Variants in TNS3 observed in about 807,000 individuals in gnomAD.
The protein encoded by TNS3 is tensin 3.
Under a neutral mutation model 140.9 loss-of-function variants are expected in TNS3, and 45 were observed. That is an observed-to-expected ratio of 0.32 (90% CI 0.25 to 0.41). The LOEUF is 0.41. Ranked by LOEUF, TNS3 falls within the 10% of genes least tolerant of loss-of-function variation. The pLI is 1.00. For missense variants in TNS3, 1,716 were observed against 1,906.7 expected, an observed-to-expected ratio of 0.90 and a Z score of 1.86; for synonymous variants, 815 against 788.4, an observed-to-expected ratio of 1.03 and a Z score of -0.56.
intron 9 of TNS3, among the ~76,000 whole-genome samples, chr7:47,426,749 C>CATCT (rs2151488063): frequency 6.6e-6 from 1 of 152,246 alleles, no homozygotes; most frequent in South Asian, 2.1e-4. Flanking sequence ...AGCCCTAAGA[C>CATCT]ATCTACCCTT....
chr7:47,579,933 G>A (rs758879568), intron 1 of TNS3: 6 of 704,752 alleles, frequency 8.5e-6, no homozygotes, highest in Non-Finnish European at 1.0e-5. Context: ...CCCCTCTCCT[G>A]CCCTTTATTT....
At chr7:47,546,556 C>T (rs1159328124) in intron 1 of TNS3, among the ~76,000 whole-genome samples, 3 of 152,026 alleles carry the variant, frequency 2.0e-5, no homozygotes, top group African/African-American at 4.8e-5. Flanking sequence ...CTAAAAGGTT[C>T]GATGTATTGC....
chr7:47,474,676 C>A (rs1584737529), intron 4 of TNS3, among the ~76,000 whole-genome samples: 1 of 143,074 alleles, frequency 7.0e-6, no homozygotes, highest in East Asian at 2.1e-4. Flanking sequence ...CTCACACACA[C>A]AAAACACCTC....
At chr7:47,462,784 G>A (rs1305334107) in intron 4 of TNS3, among the ~76,000 whole-genome samples, 1 of 152,102 alleles carries the variant, frequency 6.6e-6, no homozygotes, top group Admixed American at 6.6e-5. Flanking sequence ...CCACAGCCAA[G>A]ACTAGTTAGC....
At chr7:47,389,163 AAGCAGC>A (rs539487753) in intron 16 of TNS3, among the ~76,000 whole-genome samples, 3 of 10,044 alleles carry the variant, frequency 3.0e-4, no homozygotes, top group African/African-American at 3.7e-4. Flanking sequence ...GAAGCAGAAG[AAGCAGC>A]AGAAGCAGAA....
intron 4 of TNS3, among the ~76,000 whole-genome samples, chr7:47,480,725 C>A (rs1797382760): frequency 6.6e-6 from 1 of 152,230 alleles, no homozygotes; most frequent in Non-Finnish European, 1.5e-5. Context: ...CTGCACTACA[C>A]TGTCCACAGC....
intron 1 of TNS3, among the ~76,000 whole-genome samples, chr7:47,549,235 G>A (rs975302543): frequency 1.3e-5 from 2 of 152,134 alleles, no homozygotes; most frequent in Non-Finnish European, 2.9e-5. Flanking sequence ...GTTCACACCT[G>A]TAATCCCAGC....
chr7:47,516,372 C>T (rs779934727), intron 2 of TNS3, among the ~76,000 whole-genome samples: 7 of 152,174 alleles, frequency 4.6e-5, no homozygotes, highest in Non-Finnish European at 7.3e-5. Flanking sequence ...ACTGCCAGGA[C>T]CCCATCTCAA....
At chr7:47,284,454 G>A (rs978153137) in intron 27 of TNS3, among the ~76,000 whole-genome samples, 2 of 152,140 alleles carry the variant, frequency 1.3e-5, no homozygotes, top group African/African-American at 2.4e-5. Flanking sequence ...GAGAGCTGTG[G>A]GTCTTGTCCC....
chr7:47,321,476 G>A (rs541052778), intron 20 of TNS3, among the ~76,000 whole-genome samples: 49 of 152,246 alleles, frequency 3.2e-4, no homozygotes, highest in African/African-American at 1.1e-3. Context: ...ATGCCAGCAG[G>A]GTGTGTCGGC....
intron 1 of TNS3, among the ~76,000 whole-genome samples, chr7:47,558,138 C>A (rs2151994030): frequency 6.6e-6 from 1 of 152,294 alleles, no homozygotes; most frequent in Admixed American, 6.5e-5. Flanking sequence ...GACACTGCTT[C>A]CTGCAGGCAA....
At chr7:47,319,533 G>A (rs1160367565) in intron 20 of TNS3, among the ~76,000 whole-genome samples, 1 of 152,164 alleles carries the variant, frequency 6.6e-6, no homozygotes, top group Non-Finnish European at 1.5e-5. Context: ...CCTTCATGAA[G>A]TATCTGCCCC....
chr7:47,496,764 A>C (rs893379822), intron 3 of TNS3, among the ~76,000 whole-genome samples: 4 of 152,348 alleles, frequency 2.6e-5, no homozygotes, highest in African/African-American at 9.6e-5. Flanking sequence ...AAGACCAAGC[A>C]GGCAGGGACA....
At chr7:47,542,667 C>A (rs1000786210) in intron 1 of TNS3, among the ~76,000 whole-genome samples, 2 of 152,110 alleles carry the variant, frequency 1.3e-5, no homozygotes, top group African/African-American at 4.8e-5. Flanking sequence ...CACGGTGGCT[C>A]AACCTGTAAT....
intron 20 of TNS3, among the ~76,000 whole-genome samples, chr7:47,330,815 G>A (rs897009010): frequency 6.6e-6 from 1 of 151,992 alleles, no homozygotes; most frequent in African/African-American, 2.4e-5. Flanking sequence ...CTCCATAGGG[G>A]GCACGTCCTT....
chr7:47,339,760 T>G (rs980405075), intron 20 of TNS3, among the ~76,000 whole-genome samples: 3 of 152,158 alleles, frequency 2.0e-5, no homozygotes, highest in African/African-American at 7.2e-5. Context: ...GTGGTAAAAC[T>G]GTCTGTCAAT....
intron 4 of TNS3, among the ~76,000 whole-genome samples, chr7:47,479,699 A>G (rs1022585270): frequency 6.6e-6 from 1 of 152,246 alleles, no homozygotes; most frequent in Non-Finnish European, 1.5e-5. Flanking sequence ...CCTCAAATGC[A>G]TACTTTGCTC....
chr7:47,329,551 AG>A (rs1192212470), intron 20 of TNS3, among the ~76,000 whole-genome samples: 8 of 152,184 alleles, frequency 5.3e-5, no homozygotes, highest in Non-Finnish European at 1.0e-4. Context: ...CACATGGGCC[AG>A]GAAGATCCCT....
intron 21 of TNS3, among the ~76,000 whole-genome samples, 172 bp downstream of exon 21, chr7:47,304,660 C>T (rs2150724809): frequency 6.6e-6 from 1 of 152,264 alleles, no homozygotes; most frequent in East Asian, 1.9e-4. Flanking sequence ...CCGGCGGTAG[C>T]AGTGTCGTGC....
Sources: gnomAD v4.1 joint callset for allele counts (sites outside exome capture counted in the v4.1 genomes callset) on GRCh38, gnomAD v4.1.1 for gene constraint, MANE v1.5 for transcripts, NCBI Gene and HGNC (gene_info 2026-07-23, HGNC 2026-07-21) for gene names.